CRNKL1: variants seen among roughly 807,000 people sequenced by gnomAD.
The protein encoded by CRNKL1 is crooked neck pre-mRNA splicing factor 1.
In CRNKL1, 35 loss-of-function variants were observed where a neutral mutation model predicts 103.7. The ratio of observed to expected loss-of-function variants is 0.34; its 90% CI spans 0.26 to 0.45. CRNKL1 has a LOEUF of 0.45. Ranked by LOEUF, CRNKL1 falls within the 20% of genes least tolerant of loss-of-function variation. The pLI is 1.00. For missense variants in CRNKL1, 645 were observed against 836.0 expected, an observed-to-expected ratio of 0.77 and a Z score of 2.82; for synonymous variants, 267 against 282.6, an observed-to-expected ratio of 0.94 and a Z score of 0.55.
upstream of CRNKL1, chr20:20,052,814 G>A: frequency 7.8e-7 from 1 of 1,288,786 alleles, no homozygotes; most frequent in Non-Finnish European, 1.1e-6. Context: ...AGCATGCGAC[G>A]GGGCGAGCTG....
At chr20:20,054,083 G>C (rs2044066713), upstream of CRNKL1, among the ~76,000 whole-genome samples, 1 of 139,204 alleles carries the variant, frequency 7.2e-6, no homozygotes, top group African/African-American at 2.7e-5. Flanking sequence ...TGCTTTTGTA[G>C]ATATACCTTC....
intron 3 of CRNKL1, among the ~76,000 whole-genome samples, chr20:20,049,041 C>T (rs1228419349): frequency 1.8e-5 from 2 of 111,636 alleles, no homozygotes; most frequent in African/African-American, 1.1e-4. Context: ...TTTTTTTGGC[C>T]ATTGTTTAGC....
upstream of CRNKL1, chr20:20,052,833 T>G (rs1568774648): frequency 3.7e-6 from 4 of 1,088,380 alleles, no homozygotes; most frequent in South Asian, 4.7e-5. Context: ...TGCCGCCCTT[T>G]TAGGCTGCAA....
At chr20:20,039,473 A>C (rs1337826007) in intron 11 of CRNKL1, 136 bp downstream of exon 11, 4 of 1,070,792 alleles carry the variant, frequency 3.7e-6, no homozygotes, top group Non-Finnish European at 5.4e-6. Context: ...TCCACGTACA[A>C]GCCTAATCTG....
At chr20:20,046,511 G>A (rs940710686) in intron 5 of CRNKL1, among the ~76,000 whole-genome samples, 4 of 152,096 alleles carry the variant, frequency 2.6e-5, no homozygotes, top group South Asian at 2.1e-4. Context: ...TAGTCAATGC[G>A]AACACTTAAT....
rs2043412686 is a variant in CRNKL1, at chr20:20,035,962, T to C, written c.*233A>G. ...TCCTAATGCATGATGTGGACAGACA[T>C]TAGAAAAGTTTGGACTCAGTTGGAA... On this transcript the variant is annotated 3_prime_UTR_variant, in exon 14 of 14. Coordinates refer to ENST00000536226, the MANE Select transcript of CRNKL1 (RefSeq NM_001278628.2). The C allele has an allele frequency of 6.3e-6, 3 of 476,264 alleles. No individual in the cohort carries two copies. The highest frequency in any genetic ancestry group is 1.1e-5 in the Non-Finnish European group (3 of 269,128). The allele number at this position is 476,264 out of a possible 1,614,324, so 29.5% of individuals were successfully genotyped here. A position where few individuals can be genotyped will look rare whatever the true frequency, so the allele number is the denominator to read the frequency against.
At chr20:20,042,048 G>A (rs2043522602) in intron 8 of CRNKL1, among the ~76,000 whole-genome samples, 1 of 152,174 alleles carries the variant, frequency 6.6e-6, no homozygotes, top group African/African-American at 2.4e-5. Context: ...ATTAAGGGCT[G>A]GTTCACTGTT....
chr20:20,042,133 T>G (rs1358116233), intron 8 of CRNKL1, among the ~76,000 whole-genome samples, 192 bp downstream of exon 8: 1 of 152,198 alleles, frequency 6.6e-6, no homozygotes, highest in Non-Finnish European at 1.5e-5. Flanking sequence ...GCCCCTCACG[T>G]GTGGCCACAA....
At chr20:20,055,420 C>T (rs2044232632), upstream of CRNKL1, among the ~76,000 whole-genome samples, 1 of 152,104 alleles carries the variant, frequency 6.6e-6, no homozygotes, top group Non-Finnish European at 1.5e-5. Context: ...TTTAATTTTT[C>T]TAGCCCCCTC....
At chr20:20,052,593 TGGG>T (rs2043809611), upstream of CRNKL1, 1 of 1,613,658 alleles carries the variant, frequency 6.2e-7, no homozygotes, top group Admixed American at 1.7e-5. Context: ...GCGGATGAGG[TGGG>T]TAACGCCGTG....
chr20:20,053,183 G>A (rs1257126328), upstream of CRNKL1, among the ~76,000 whole-genome samples: 1 of 152,190 alleles, frequency 6.6e-6, no homozygotes, highest in Admixed American at 6.5e-5. Flanking sequence ...GATGTTAGCT[G>A]TTATAATACT....
At chr20:20,051,946 T>C (rs1383892252) in intron 1 of CRNKL1, among the ~76,000 whole-genome samples, 1 of 152,154 alleles carries the variant, frequency 6.6e-6, no homozygotes, top group African/African-American at 2.4e-5. Flanking sequence ...CGGTAACATC[T>C]AGCAAGGTCG....
chr20:20,054,704 A>G (rs2044158265), upstream of CRNKL1, among the ~76,000 whole-genome samples: 1 of 151,906 alleles, frequency 6.6e-6, no homozygotes, highest in Non-Finnish European at 1.5e-5. Context: ...AAGTTTGCTA[A>G]CCCCCGTGCT....
chr20:20,048,903 T>C (rs12626086), intron 3 of CRNKL1, among the ~76,000 whole-genome samples: 23,718 of 151,772 alleles, frequency 0.16, 3,596 homozygotes, highest in East Asian at 0.58. Context: ...TAAGGAGACA[T>C]GATATATTCA....
intron 6 of CRNKL1, 140 bp downstream of exon 6, chr20:20,045,168 T>C (rs1289907684): frequency 1.6e-6 from 1 of 634,792 alleles, no homozygotes; most frequent in Non-Finnish European, 2.6e-6. Flanking sequence ...TGCTGTTCTC[T>C]GTGAGAAGCT....
chr20:20,052,552 G>A (rs748147610), upstream of CRNKL1: 3 of 1,614,018 alleles, frequency 1.9e-6, no homozygotes, highest in African/African-American at 4.0e-5. Flanking sequence ...TCCTCCTTGC[G>A]GCAGCGCGTG....
At position 20,050,598 on chromosome 20, in the gene CRNKL1, C is replaced by G. The variant is rs1027689653; in HGVS notation, c.76G>C (p.Val26Leu). 3 of 1,609,194 alleles carry G rather than the reference C, an allele frequency of 1.9e-6. No homozygotes were observed. The highest frequency in any genetic ancestry group is 2.5e-6 in the Non-Finnish European group (3 of 1,178,604). The change falls in exon 2 of 14, where the codon GTA becomes CTA. Residue 26 changes from valine to leucine, a missense_variant. Coordinates refer to ENST00000536226, the MANE Select transcript of CRNKL1 (RefSeq NM_001278628.2). ...AKVKNKAPAEVQITAEQLLRE... is the reference protein window; with the variant it reads ...AKVKNKAPAELQITAEQLLRE... ...AAGAGTTGTTCAGCAGTTATCTGTA[C>G]CTCAGCCGGGGCTTTGTTTTTCACC... is the stretch of plus-strand genomic sequence containing the variant.
At chr20:20,039,127 C>T (rs560726064) in intron 11 of CRNKL1, among the ~76,000 whole-genome samples, 2 of 152,328 alleles carry the variant, frequency 1.3e-5, no homozygotes, top group African/African-American at 4.8e-5. Context: ...CAAATCTTTC[C>T]TAGCTGTGGT....
chr20:20,047,474 T>C (rs555963721), intron 5 of CRNKL1, among the ~76,000 whole-genome samples: 1 of 152,232 alleles, frequency 6.6e-6, no homozygotes, highest in African/African-American at 2.4e-5. Context: ...TCCCCTTGAG[T>C]TCCTGGAAAC....
Sources: allele counts gnomAD v4.1 joint callset (sites outside exome capture counted in the v4.1 genomes callset), GRCh38; gene constraint gnomAD v4.1.1; transcripts MANE v1.5; gene names NCBI Gene and HGNC (gene_info 2026-07-23, HGNC 2026-07-21).